The following TRABD2B variants were observed in gnomAD, a reference collection of about 807,000 sequenced individuals.
TRABD2B encodes the protein metalloprotease TIKI2.
In TRABD2B, 14 loss-of-function variants were observed where a neutral mutation model predicts 40.1. The observed-to-expected ratio is 0.35, with a 90% CI of 0.23 to 0.55. TRABD2B has a LOEUF of 0.55. Ranked by LOEUF, TRABD2B falls within the 20% of genes least tolerant of loss-of-function variation. The pLI, the probability that TRABD2B is intolerant of heterozygous loss-of-function variation, is 0.90. For missense variants in TRABD2B, 541 were observed against 648.6 expected (o/e 0.83, Z 1.80); for synonymous variants, 263 against 277.0 (o/e 0.95, Z 0.50).
At chr1:47,888,091 G>T (rs1644394986) in intron 2 of TRABD2B, among the ~76,000 whole-genome samples, 1 of 152,186 alleles carries the variant, frequency 6.6e-6, no homozygotes, top group African/African-American at 2.4e-5. Flanking sequence ...GGTTCGTGAT[G>T]AATTGTCTTC....
intron 2 of TRABD2B, among the ~76,000 whole-genome samples, chr1:47,943,799 C>G (rs1037447785): frequency 9.2e-5 from 12 of 129,738 alleles, no homozygotes; most frequent in East Asian, 4.8e-4. Flanking sequence ...CACACACACA[C>G]AGAACACAAT....
chr1:47,836,922 T>C (rs755876574), intron 2 of TRABD2B, among the ~76,000 whole-genome samples: 2 of 152,182 alleles, frequency 1.3e-5, no homozygotes, highest in Non-Finnish European at 2.9e-5. Context: ...GAGAAATAAA[T>C]TTCTGTTGTT....
chr1:47,983,184 C>A (rs1191359172), intron 2 of TRABD2B, among the ~76,000 whole-genome samples: 1 of 152,136 alleles, frequency 6.6e-6, no homozygotes, highest in African/African-American at 2.4e-5. Flanking sequence ...TTTGTGGGAA[C>A]ACGGATGGAG....
chr1:47,889,338 T>C (rs886294992), intron 2 of TRABD2B, among the ~76,000 whole-genome samples: 3 of 152,204 alleles, frequency 2.0e-5, no homozygotes, highest in Admixed American at 6.5e-5. Context: ...CTCAGCTTTC[T>C]TATTTGTCAA....
chr1:47,864,376 T>C (rs1361229754), intron 2 of TRABD2B, among the ~76,000 whole-genome samples: 1 of 152,044 alleles, frequency 6.6e-6, no homozygotes, highest in African/African-American at 2.4e-5. Context: ...GGGAGATTTA[T>C]AATAGGGGAT....
intron 3 of TRABD2B, chr1:47,795,522 G>C (rs1644736551): frequency 3.1e-6 from 1 of 323,404 alleles, no homozygotes; most frequent in African/African-American, 2.2e-5. Flanking sequence ...CTGAGTACAA[G>C]AGTAGGCTCA....
intron 2 of TRABD2B, among the ~76,000 whole-genome samples, chr1:47,981,653 C>A (rs1645842575): frequency 1.3e-5 from 2 of 152,090 alleles, no homozygotes; most frequent in African/African-American, 4.8e-5. Flanking sequence ...GAGCCTGGCA[C>A]AATGTAGTTC....
At chr1:47,960,209 G>A (rs1284212552) in intron 2 of TRABD2B, among the ~76,000 whole-genome samples, 4 of 152,092 alleles carry the variant, frequency 2.6e-5, no homozygotes, top group Non-Finnish European at 4.4e-5. Flanking sequence ...TTGATGGGAC[G>A]TATCTCAAAA....
intron 2 of TRABD2B, among the ~76,000 whole-genome samples, chr1:47,977,217 T>A (rs1645769420): frequency 1.3e-5 from 2 of 152,004 alleles, no homozygotes; most frequent in South Asian, 2.1e-4. Flanking sequence ...GGACCACAGG[T>A]GCATGCCACC....
chr1:47,968,578 A>T (rs1436149282), intron 2 of TRABD2B, among the ~76,000 whole-genome samples: 1 of 152,200 alleles, frequency 6.6e-6, no homozygotes, highest in African/African-American at 2.4e-5. Context: ...ACGCTCCAAG[A>T]CAACATATCC....
intron 3 of TRABD2B, chr1:47,795,676 C>A: frequency 1.0e-6 from 1 of 985,334 alleles, no homozygotes; most frequent in South Asian, 4.7e-5. Context: ...TCAGCACATG[C>A]CACCCTACAG....
At chr1:47,883,287 A>G (rs371463997) in intron 2 of TRABD2B, among the ~76,000 whole-genome samples, 7 of 152,184 alleles carry the variant, frequency 4.6e-5, no homozygotes, top group Admixed American at 2.0e-4. Context: ...CTTGGTCTTG[A>G]CATTGTCTCA....
At chr1:47,887,603 T>A (rs1323719006) in intron 2 of TRABD2B, among the ~76,000 whole-genome samples, 1 of 152,090 alleles carries the variant, frequency 6.6e-6, no homozygotes, top group African/African-American at 2.4e-5. Context: ...GGTGATTACA[T>A]GACAAAGCCA....
At chr1:47,919,484 T>C (rs1197324626) in intron 2 of TRABD2B, among the ~76,000 whole-genome samples, 1 of 152,220 alleles carries the variant, frequency 6.6e-6, no homozygotes, top group Non-Finnish European at 1.5e-5. Flanking sequence ...TGCCTTCAAA[T>C]CTCTCCAAGG....
chr1:47,874,567 C>G (rs1014772496), intron 2 of TRABD2B, among the ~76,000 whole-genome samples: 1 of 102,004 alleles, frequency 9.8e-6, no homozygotes, highest in African/African-American at 3.7e-5. Context: ...CCACCGCGCC[C>G]GGCCTTTTTT....
chr1:47,981,123 C>T (rs1439259201), intron 2 of TRABD2B, among the ~76,000 whole-genome samples: 4 of 152,116 alleles, frequency 2.6e-5, no homozygotes, highest in East Asian at 1.9e-4. Context: ...AAGCAATTCT[C>T]GTACCTCAGC....
At chr1:47,784,014 G>A (rs574603320) in intron 4 of TRABD2B, among the ~76,000 whole-genome samples, 16 of 152,270 alleles carry the variant, frequency 1.1e-4, no homozygotes, top group African/African-American at 3.9e-4. Flanking sequence ...TGATTCCTTC[G>A]TTTGATGACC....
At chr1:47,803,173 AGG>A (rs1453190758) in intron 2 of TRABD2B, among the ~76,000 whole-genome samples, 1 of 152,222 alleles carries the variant, frequency 6.6e-6, no homozygotes, top group African/African-American at 2.4e-5. Flanking sequence ...GGACTGGGTT[AGG>A]CCCCTCACTG....
chr1:47,866,707 C>T (rs1005913918), intron 2 of TRABD2B, among the ~76,000 whole-genome samples: 2 of 152,174 alleles, frequency 1.3e-5, no homozygotes, highest in Non-Finnish European at 2.9e-5. Flanking sequence ...CTGTGTTCCT[C>T]CTATGATGTA....
Sources: gnomAD v4.1 joint callset for allele counts (sites outside exome capture counted in the v4.1 genomes callset) on GRCh38, gnomAD v4.1.1 for gene constraint, MANE v1.5 for transcripts, NCBI Gene and HGNC (gene_info 2026-07-23, HGNC 2026-07-21) for gene names.